Variants in LRBA observed in about 807,000 individuals in gnomAD.
The protein encoded by LRBA is lipopolysaccharide-responsive and beige-like anchor protein.
LRBA carries 176 observed loss-of-function variants against 330.0 expected under a neutral mutation model. The ratio of observed to expected loss-of-function variants is 0.53; its 90% CI spans 0.47 to 0.60. The LOEUF (loss-of-function observed/expected upper bound fraction) is 0.60. LRBA is among the 20% of genes least tolerant of loss of function. The pLI is 0.00. For missense variants in LRBA, 3,259 were observed against 3,444.8 expected, an observed-to-expected ratio of 0.95 and a Z score of 1.35; for synonymous variants, 1,230 against 1,193.0, an observed-to-expected ratio of 1.03 and a Z score of -0.64.
At chr4:150,800,747 CCT>C (rs1220016612) in intron 33 of LRBA, among the ~76,000 whole-genome samples, 1 of 152,148 alleles carries the variant, frequency 6.6e-6, no homozygotes, top group East Asian at 1.9e-4. Context: ...CACAATCTGA[CCT>C]CTCTAAAACT....
chr4:150,667,696 T>A (rs1462586410), intron 37 of LRBA, among the ~76,000 whole-genome samples: 2 of 152,174 alleles, frequency 1.3e-5, no homozygotes, highest in African/African-American at 4.8e-5. Context: ...CAGAGAACTC[T>A]CTAGCTCTCC....
At chr4:150,488,011 T>C (rs1483716254) in intron 41 of LRBA, among the ~76,000 whole-genome samples, 177 bp from the exon 42 acceptor site, 2 of 151,692 alleles carry the variant, frequency 1.3e-5, no homozygotes, top group South Asian at 2.1e-4. Context: ...AGTGATAATA[T>C]TCATTTCACT....
At chr4:150,675,172 G>C (rs1782423248) in intron 37 of LRBA, among the ~76,000 whole-genome samples, 1 of 151,846 alleles carries the variant, frequency 6.6e-6, no homozygotes, top group Non-Finnish European at 1.5e-5. Context: ...CAGTCTGGGT[G>C]GCAGAGCAAG....
chr4:150,375,536 C>T (rs559387524), intron 47 of LRBA, among the ~76,000 whole-genome samples: 35 of 152,084 alleles, frequency 2.3e-4, no homozygotes, highest in African/African-American at 8.2e-4. Flanking sequence ...CGGCTCACTG[C>T]AAACTCCGCC....
chr4:150,286,034 C>G lies in LRBA; in HGVS notation c.8018G>C (p.Ser2673Thr). ...KCSGIGDNPG[S>T]ETAAPRAILT... ...AATGGCCCGAGGAGCAGCAGTCTCA[C>G]CTTTAGGAAAAAACAGATAAAAAGA... The change falls in exon 54 of 57, where the codon AGT (serine) becomes ACT (threonine). Residue 2673 changes from serine (S) to threonine (T), a missense_variant and splice_region_variant. Transcript: ENST00000651943. The G allele has an allele frequency of 6.4e-7, 1 of 1,554,048 alleles. No homozygotes were observed. The highest frequency in any genetic ancestry group is 8.7e-7 in the Non-Finnish European group (1 of 1,148,892).
intron 47 of LRBA, among the ~76,000 whole-genome samples, chr4:150,360,063 C>T (rs2151840176): frequency 6.6e-6 from 1 of 152,082 alleles, no homozygotes; most frequent in South Asian, 2.1e-4. Flanking sequence ...CAAAATCACC[C>T]CAAGGATTTT....
At chr4:150,472,988 G>A (rs577585450) in intron 42 of LRBA, among the ~76,000 whole-genome samples, 1 of 152,112 alleles carries the variant, frequency 6.6e-6, no homozygotes, top group South Asian at 2.1e-4. Context: ...TTTCTTTTGG[G>A]TAGATTCCTA....
intron 37 of LRBA, among the ~76,000 whole-genome samples, chr4:150,624,138 G>T (rs1314968716): frequency 6.6e-6 from 1 of 152,020 alleles, no homozygotes; most frequent in Non-Finnish European, 1.5e-5. Context: ...GCAAATACTT[G>T]TTTTGTGACA....
intron 35 of LRBA, among the ~76,000 whole-genome samples, chr4:150,738,199 C>T (rs1731473385): frequency 6.6e-6 from 1 of 151,936 alleles, no homozygotes; most frequent in African/African-American, 2.4e-5. Flanking sequence ...CCATGTTAGC[C>T]AGGGTGGTCT....
chr4:150,411,221 C>T (rs1350817091), intron 47 of LRBA, among the ~76,000 whole-genome samples: 1 of 152,088 alleles, frequency 6.6e-6, no homozygotes, highest in Non-Finnish European at 1.5e-5. Flanking sequence ...ATCTTCTGTT[C>T]ATAAGCCCAT....
intron 37 of LRBA, among the ~76,000 whole-genome samples, chr4:150,613,715 G>A (rs764619596): frequency 4.6e-5 from 7 of 152,202 alleles, no homozygotes; most frequent in Non-Finnish European, 7.3e-5. Flanking sequence ...GATGTACAGC[G>A]AATGCTTTGC....
At position 150,929,026 on chromosome 4, in the gene LRBA, T is replaced by A; in HGVS notation, c.256A>T (p.Ile86Phe). Residue 86 changes from isoleucine to phenylalanine, a missense_variant, in exon 3 of 57, where the codon ATC becomes TTC. Transcript: ENST00000651943. ...GQFDLEMNFI[I>F]QEGESINCMV... The stretch of plus-strand genomic sequence containing the variant: ...CAGTTAATACTCTCACCTTCTTGGA[T>A]AATGAAATTCATTTCCAGATCAAAC... The A allele has an allele frequency of 6.2e-7, 1 of 1,612,756 alleles. No homozygotes were observed. Among genetic ancestry groups the A allele is most frequent in the East Asian group, 2.2e-5 (1 of 44,826 alleles).
At chr4:150,697,351 A>AAAAAAAAAAAAAAAAAAAAAAC (rs1491393713) in intron 36 of LRBA, among the ~76,000 whole-genome samples, 1 of 147,974 alleles carries the variant, frequency 6.8e-6, no homozygotes, top group Non-Finnish European at 1.5e-5. Flanking sequence ...AAAAAAAAAA[A>AAAAAAAAAAAAAAAAAAAAAAC]CAGGGAGAGT....
At chr4:150,584,373 G>A (rs1293317946) in intron 40 of LRBA, 3 of 306,942 alleles carry the variant, frequency 9.8e-6, no homozygotes, top group East Asian at 6.1e-5. Context: ...ATCGGGCTCC[G>A]CCACCACAAA....
intron 49 of LRBA, among the ~76,000 whole-genome samples, chr4:150,324,426 T>C (rs1732967082): frequency 6.6e-6 from 1 of 152,224 alleles, no homozygotes; most frequent in Admixed American, 6.5e-5. Context: ...AATCTGATTT[T>C]ACTGATTTAA....
At chr4:150,728,962 CA>C (rs1730073517) in intron 36 of LRBA, among the ~76,000 whole-genome samples, 1 of 151,948 alleles carries the variant, frequency 6.6e-6, no homozygotes, top group African/African-American at 2.4e-5. Flanking sequence ...TAGAATCCAC[CA>C]AAAAACTATA....
chr4:150,898,537 T>C (rs533766290), intron 14 of LRBA, among the ~76,000 whole-genome samples: 27 of 152,110 alleles, frequency 1.8e-4, no homozygotes, highest in Non-Finnish European at 3.4e-4. Flanking sequence ...CTAATCACTA[T>C]TTATAGATAG....
chr4:150,633,010 A>T (rs762484862), intron 37 of LRBA, among the ~76,000 whole-genome samples: 6 of 152,190 alleles, frequency 3.9e-5, no homozygotes, highest in Non-Finnish European at 8.8e-5. Flanking sequence ...ACCCACATGT[A>T]TGTGAACTCC....
At chr4:150,832,266 A>G (rs1034145737) in intron 28 of LRBA, among the ~76,000 whole-genome samples, 9 of 152,178 alleles carry the variant, frequency 5.9e-5, no homozygotes, top group African/African-American at 2.2e-4. Flanking sequence ...GTCCTAATAT[A>G]CATTATAATG....
Sources: gnomAD v4.1 joint callset for allele counts (sites outside exome capture counted in the v4.1 genomes callset) on GRCh38, gnomAD v4.1.1 for gene constraint, MANE v1.5 for transcripts, NCBI Gene and HGNC (gene_info 2026-07-23, HGNC 2026-07-21) for gene names.